The following RPGRIP1 variants were observed in gnomAD, a reference collection of about 807,000 sequenced individuals.
RPGRIP1 encodes the protein RPGR interacting protein 1, also known as X-linked retinitis pigmentosa GTPase regulator-interacting protein 1.
A neutral mutation model predicts 157.9 loss-of-function variants in RPGRIP1; 128 were observed. The observed-to-expected ratio is 0.81, with a 90% CI of 0.70 to 0.94. The LOEUF is 0.94. Among genes scored for constraint, RPGRIP1 ranks in the 40% least tolerant of loss-of-function variants. The probability of loss-of-function intolerance (pLI) is 0.00; values close to 1 mark genes in which losing one functional copy is unlikely to be tolerated. For missense variants in RPGRIP1, 1,486 were observed against 1,545.8 expected (o/e 0.96, Z 0.65); for synonymous variants, 554 against 571.6 (o/e 0.97, Z 0.44).
At chr14:21,347,390 T>C (rs1885673413) in intron 23 of RPGRIP1, among the ~76,000 whole-genome samples, 1 of 152,232 alleles carries the variant, frequency 6.6e-6, no homozygotes. Flanking sequence ...CTATGCAAAT[T>C]GGGATGAGGG....
At position 21,287,947 on chromosome 14, in the gene RPGRIP1, G is replaced by A; in HGVS notation, c.-30G>A. ...CTTTTCCTTTATTTCAGTGTCCTCT[G>A]GGATCTCTTACAGCTTGGGAACAGA... On this transcript the variant is annotated 5_prime_UTR_variant, in exon 2 of 25. Transcript: ENST00000400017. 1.3e-6 allele frequency: 2 copies of A among 1,506,988 alleles called. No individual in the cohort carries two copies. The highest frequency in any genetic ancestry group is 1.8e-6 in the Non-Finnish European group (2 of 1,086,058). 93.4% of individuals were successfully genotyped at this position (1,506,988 alleles called of 1,614,324 possible).
At chr14:21,322,084 A>G (rs1362451603) in intron 14 of RPGRIP1, 80 bp downstream of exon 14, 2 of 1,246,710 alleles carry the variant, frequency 1.6e-6, no homozygotes, top group Admixed American at 2.4e-5. Context: ...GTACTTGTCA[A>G]GAAGGGTGCC....
intron 21 of RPGRIP1, among the ~76,000 whole-genome samples, chr14:21,337,359 G>A (rs1322727643): frequency 2.6e-5 from 4 of 151,536 alleles, no homozygotes; most frequent in Admixed American, 6.6e-5. Flanking sequence ...GACAAATTAA[G>A]CCCTAAATGA....
At chr14:21,291,834 A>G (rs761241330) in intron 2 of RPGRIP1, among the ~76,000 whole-genome samples, 1 of 151,972 alleles carries the variant, frequency 6.6e-6, no homozygotes, top group Non-Finnish European at 1.5e-5. Context: ...ATCTTGGCCC[A>G]CTGCAACCTC....
chr14:21,302,537 T>C lies in RPGRIP1; in HGVS notation c.540T>C (p.His180=). 6.3e-7 allele frequency: 1 copy of C among 1,589,928 alleles called. No individual in the cohort carries two copies. The highest frequency in any genetic ancestry group is 8.6e-7 in the Non-Finnish European group (1 of 1,166,712). The change falls in exon 5 of 25, where the codon CAT becomes CAC. Residue 180 remains histidine, a synonymous_variant. Transcript: ENST00000400017. ...SYTAPPSFKE[H]ATNENRGEVA... is the part of the protein sequence containing the mutation. ...CAGCCCCTCCATCGTTTAAGGAGCA[T>C]GCGACAAATGAAAACAGAGGTGAAG...
chr14:21,289,094 G>A (rs373531458), intron 2 of RPGRIP1, among the ~76,000 whole-genome samples: 18 of 152,070 alleles, frequency 1.2e-4, no homozygotes, highest in South Asian at 2.1e-4. Flanking sequence ...TTGGGAGGCC[G>A]AGACGGGCAG....
intron 24 of RPGRIP1, among the ~76,000 whole-genome samples, chr14:21,350,376 C>CAAAAAAAAAAAA (rs765881214): frequency 4.5e-5 from 1 of 22,194 alleles, no homozygotes; most frequent in African/African-American, 1.9e-4. Context: ...ACTCTGTCTC[C>CAAAAAAAAAAAA]AAAAAAAAAA....
intron 10 of RPGRIP1, among the ~76,000 whole-genome samples, chr14:21,314,818 G>T (rs951444751): frequency 1.3e-5 from 2 of 151,872 alleles, no homozygotes; most frequent in African/African-American, 2.4e-5. Context: ...GCACAGGAGT[G>T]TGAGACCAGC....
intron 10 of RPGRIP1, among the ~76,000 whole-genome samples, chr14:21,314,695 A>G (rs1428506456): frequency 1.3e-5 from 2 of 148,496 alleles, no homozygotes; most frequent in African/African-American, 2.5e-5. Context: ...CCTGGGCAAC[A>G]AGAGCAAAAC....
intron 1 of RPGRIP1, among the ~76,000 whole-genome samples, chr14:21,281,465 G>T (rs1175044430): frequency 6.6e-6 from 1 of 151,850 alleles, no homozygotes; most frequent in African/African-American, 2.4e-5. Flanking sequence ...GAGGCGGGTG[G>T]ATCACTTGAG....
intron 3 of RPGRIP1, among the ~76,000 whole-genome samples, chr14:21,297,880 T>TCTC (rs1555365051): frequency 6.7e-6 from 1 of 149,748 alleles, no homozygotes; most frequent in African/African-American, 2.5e-5. Flanking sequence ...TTTCTTTCTT[T>TCTC]TTTTTGAGAT....
At chr14:21,295,973 T>C (rs1037670996) in intron 3 of RPGRIP1, among the ~76,000 whole-genome samples, 5 of 151,482 alleles carry the variant, frequency 3.3e-5, no homozygotes, top group Non-Finnish European at 4.4e-5. Context: ...CCTCGCTCCG[T>C]TGCCCAAGCT....
In RPGRIP1 at chr14:21,287,881, C is replaced by T. The variant is rs577547385; in HGVS notation, c.-38-58C>T. Reference sequence around the variant, plus strand: ...AAATTCCTGCTACAACTTATGTACACGTTTCAGAAGACATCCTAAAGTTGC... The same window carrying T: ...AAATTCCTGCTACAACTTATGTACATGTTTCAGAAGACATCCTAAAGTTGC... On this transcript the variant is annotated intron_variant, in intron 1 of 24. Transcript: ENST00000400017. The T allele has an allele frequency of 1.7e-4, 129 of 747,008 alleles. No homozygotes were observed. In the African/African-American group the frequency reaches 2.0e-3, roughly 11 times the overall value. 46.3% of individuals were successfully genotyped at this position (747,008 alleles called of 1,614,324 possible). A position where few individuals can be genotyped will look rare whatever the true frequency, so the allele number is the denominator to read the frequency against.
intron 2 of RPGRIP1, among the ~76,000 whole-genome samples, chr14:21,293,147 A>T (rs1388396453): frequency 2.0e-5 from 3 of 152,150 alleles, no homozygotes; most frequent in Admixed American, 1.3e-4. Flanking sequence ...ACTCTGTCTC[A>T]ATAAATAAGT....
At chr14:21,315,962 C>T (rs28465372) in intron 10 of RPGRIP1, among the ~76,000 whole-genome samples, 2 of 136,636 alleles carry the variant, frequency 1.5e-5, no homozygotes, top group African/African-American at 5.5e-5. Flanking sequence ...CCATGCCTGG[C>T]TAATTTTTGT....
intron 17 of RPGRIP1, 131 bp downstream of exon 17, chr14:21,326,304 T>G (rs1354130795): frequency 1.6e-6 from 1 of 628,246 alleles, no homozygotes; most frequent in Non-Finnish European, 2.7e-6. Flanking sequence ...ATTTAGAATA[T>G]TGTCAAGAGC....
chr14:21,345,253 A>C, intron 23 of RPGRIP1, 56 bp downstream of exon 23: 1 of 1,327,644 alleles, frequency 7.5e-7, no homozygotes, highest in Non-Finnish European at 1.1e-6. Context: ...GAAATTCAAA[A>C]GTTTGAGTTT....
At chr14:21,290,321 C>T (rs929363672) in intron 2 of RPGRIP1, among the ~76,000 whole-genome samples, 2 of 152,228 alleles carry the variant, frequency 1.3e-5, no homozygotes, top group Admixed American at 1.3e-4. Flanking sequence ...TTCACTTTCT[C>T]AGCAACACTT....
In RPGRIP1 at chr14:21,345,169, C is replaced by G; in HGVS notation, c.3589C>G (p.Leu1197Val). 1.2e-6 allele frequency: 2 copies of G among 1,613,154 alleles called. No homozygotes were observed. The highest frequency in any genetic ancestry group is 1.7e-6 in the Non-Finnish European group (2 of 1,179,216). ...QGRRRFLFDM[L>V]NGQDPDQGHL... The stretch of plus-strand genomic sequence containing the variant: ...CCGAAGGCGGTTTCTGTTCGACATG[C>G]TGAATGGACAAGATCCTGATCAAGG... The change falls in exon 23 of 25, where the codon CTG becomes GTG. Residue 1197 changes from leucine to valine, a missense_variant. Physicochemically the swap from Leu to Val is conservative, Grantham distance 32. Coordinates refer to ENST00000400017, the MANE Select transcript of RPGRIP1 (RefSeq NM_020366.4).
Sources: gnomAD v4.1 joint callset for allele counts (sites outside exome capture counted in the v4.1 genomes callset) on GRCh38, gnomAD v4.1.1 for gene constraint, MANE v1.5 for transcripts, NCBI Gene and HGNC (gene_info 2026-07-23, HGNC 2026-07-21) for gene names.